HEG1: variants seen among roughly 807,000 people sequenced by gnomAD.
HEG1 encodes the protein heart development protein with EGF like domains 1.
HEG1 carries 56 observed loss-of-function variants against 125.6 expected under a neutral mutation model. The observed-to-expected ratio is 0.45, with a 90% CI of 0.36 to 0.56. The LOEUF (loss-of-function observed/expected upper bound fraction) is 0.56. HEG1 is among the 20% of genes least tolerant of loss of function. The pLI, the probability that HEG1 is intolerant of heterozygous loss-of-function variation, is 0.00. For missense variants in HEG1, 1,523 were observed against 1,670.0 expected (o/e 0.91, Z 1.53); for synonymous variants, 644 against 668.5 (o/e 0.96, Z 0.57).
intron 14 of HEG1, among the ~76,000 whole-genome samples, chr3:124,983,943 C>T (rs1351469330): frequency 6.6e-6 from 1 of 152,162 alleles, no homozygotes. Context: ...CCAGTCAAGA[C>T]CGAGTAAAAT....
intron 14 of HEG1, among the ~76,000 whole-genome samples, chr3:124,986,658 G>A (rs78389223): frequency 0.031 from 4,745 of 152,228 alleles, 116 homozygotes; most frequent in Non-Finnish European, 0.048. Context: ...AAAGATAGGC[G>A]GCCGGTTCTA....
intron 1 of HEG1, 98 bp downstream of exon 1, chr3:125,055,477 C>T (rs1579444952): frequency 1.2e-5 from 10 of 853,320 alleles, no homozygotes; most frequent in Non-Finnish European, 1.5e-5. Flanking sequence ...CCCTGGGTCG[C>T]GCCGCGCGGA....
chr3:125,034,350 A>C lies in HEG1; in HGVS notation c.317-4862T>G, dbSNP rs1009175051. 2.0e-5 allele frequency among the ~76,000 whole-genome samples: 3 copies of C among 152,218 alleles called. 1 individual carries two copies. In the South Asian group the frequency reaches 6.2e-4, roughly 31 times the overall value. On this transcript the variant is annotated intron_variant, in intron 1 of 16. Transcript: ENST00000311127. ...ACCAGACAAAGAAGTATACAAAATT[A>C]CATTAGAAAAAATTTTTTTAAAAAG...
rs760739875 is a variant in HEG1, at chr3:125,013,641, C to T, written c.1938G>A (p.Ser646=). The change falls in exon 6 of 17, where the codon TCG becomes TCA. Residue 646 remains serine, a synonymous_variant. Coordinates refer to ENST00000311127, the MANE Select transcript of HEG1 (RefSeq NM_020733.2). Reference sequence around the variant, plus strand: ...ACTCAGCATCAGTGTCCAGAACAACCGAAGTGTTCGGCATATTAATGGTGG... The same window carrying T: ...ACTCAGCATCAGTGTCCAGAACAACTGAAGTGTTCGGCATATTAATGGTGG... ...YTPTINMPNT[S]VVLDTDAEFV... The T allele has an allele frequency of 2.2e-5, 35 of 1,609,802 alleles. No homozygotes were observed. The highest frequency in any genetic ancestry group is 5.0e-5 in the Admixed American group (3 of 59,424).
chr3:124,985,537 G>C (rs1936724400), intron 14 of HEG1, among the ~76,000 whole-genome samples: 1 of 152,174 alleles, frequency 6.6e-6, no homozygotes, highest in African/African-American at 2.4e-5. Flanking sequence ...GAGGCAAGGG[G>C]AGTGAGAGAC....
At chr3:124,973,597 A>G in intron 16 of HEG1, 134 bp downstream of exon 16, 1 of 619,492 alleles carries the variant, frequency 1.6e-6, no homozygotes, top group Non-Finnish European at 2.8e-6. Context: ...TAAACTGACT[A>G]GTAAATCAGA....
At chr3:125,022,658 A>C (rs1205520433) in intron 3 of HEG1, among the ~76,000 whole-genome samples, 2 of 151,420 alleles carry the variant, frequency 1.3e-5, no homozygotes, top group African/African-American at 4.9e-5. Context: ...CAAACTAAAC[A>C]AAACAAACAA....
At chr3:125,023,859 C>T (rs1221150798) in intron 3 of HEG1, among the ~76,000 whole-genome samples, 1 of 152,234 alleles carries the variant, frequency 6.6e-6, no homozygotes, top group Non-Finnish European at 1.5e-5. Flanking sequence ...GCTAAAAGTA[C>T]ATGGGTCTCT....
At chr3:125,037,147 G>A (rs1937554531) in intron 1 of HEG1, among the ~76,000 whole-genome samples, 1 of 152,196 alleles carries the variant, frequency 6.6e-6, no homozygotes, top group Non-Finnish European at 1.5e-5. Flanking sequence ...TATGTATTAT[G>A]CTCACACTAT....
At chr3:125,026,119 A>G (rs1937410441) in intron 3 of HEG1, among the ~76,000 whole-genome samples, 1 of 152,208 alleles carries the variant, frequency 6.6e-6, no homozygotes, top group South Asian at 2.1e-4. Context: ...CTATGGTACG[A>G]GGATGAAAAC....
intron 1 of HEG1, among the ~76,000 whole-genome samples, chr3:125,046,280 A>C (rs1937662898): frequency 6.6e-6 from 1 of 152,088 alleles, no homozygotes; most frequent in Non-Finnish European, 1.5e-5. Flanking sequence ...GTCCTCTTCA[A>C]AGAGGTCCCA....
rs568978274 is a variant in HEG1, at chr3:124,998,162, C to T, written c.3518-339G>A. On this transcript the variant is annotated intron_variant, in intron 11 of 16. Coordinates refer to ENST00000311127, the MANE Select transcript of HEG1 (RefSeq NM_020733.2). Reference sequence around the variant, plus strand: ...ACTGCAAATACAGCCCTTAATGGCCCCGTGTCTTCCAAAGGACTGCGGAGG... The same window carrying T: ...ACTGCAAATACAGCCCTTAATGGCCTCGTGTCTTCCAAAGGACTGCGGAGG... Among the ~76,000 whole-genome samples the T allele has an allele frequency of 3.3e-5, 5 of 152,248 alleles. No individual in the cohort carries two copies. The South Asian group carries it at 6.2e-4, about 19-fold the overall frequency.
At chr3:125,000,172 T>G (rs913514762) in intron 11 of HEG1, among the ~76,000 whole-genome samples, 3 of 152,274 alleles carry the variant, frequency 2.0e-5, no homozygotes, top group African/African-American at 7.2e-5. Flanking sequence ...TCACGGGCTC[T>G]GAAAGGAGAA....
At position 125,019,553 on chromosome 3, in the gene HEG1, C is replaced by T. The variant is rs1937305410; in HGVS notation, c.1297G>A (p.Gly433Arg). 6.2e-7 allele frequency: 1 copy of T among 1,611,230 alleles called. No homozygotes were observed. The highest frequency in any genetic ancestry group is 1.7e-5 in the Admixed American group (1 of 59,980). ...QLASSSEVQNGSPMSQTETVS... is the reference protein window; with the variant it reads ...QLASSSEVQNRSPMSQTETVS... ...GTCTCAGTCTGAGACATGGGACTTC[C>T]ATTTTGCACCTCAGAGCTGCTGGCA... The change falls in exon 5 of 17, where the codon GGA becomes AGA. Residue 433 changes from glycine (G) to arginine (R), a missense_variant. By Grantham distance (125) the Gly-to-Arg change is moderately radical (BLOSUM62 -2). Coordinates refer to ENST00000311127, the MANE Select transcript of HEG1 (RefSeq NM_020733.2).
intron 5 of HEG1, chr3:125,014,844 G>A (rs1056080892): frequency 5.4e-6 from 7 of 1,289,876 alleles, no homozygotes; most frequent in South Asian, 4.9e-5. Flanking sequence ...CCCAGAAGTC[G>A]TGCTCATGCT....
At chr3:125,037,488 T>C (rs1937559003) in intron 1 of HEG1, among the ~76,000 whole-genome samples, 1 of 152,238 alleles carries the variant, frequency 6.6e-6, no homozygotes, top group African/African-American at 2.4e-5. Flanking sequence ...ATGGCATAGC[T>C]GAAAGACTGA....
In HEG1 at chr3:125,023,317, T is replaced by C. The variant is rs1010096292; in HGVS notation, c.914-2187A>G. ...ATCTCTAGTGGATTTAGCAAATCAA[T>C]GGCCACAGAAATATAATTACAAAAG... On this transcript the variant is annotated intron_variant, in intron 3 of 16. Coordinates refer to ENST00000311127, the MANE Select transcript of HEG1 (RefSeq NM_020733.2). 2.0e-5 allele frequency among the ~76,000 whole-genome samples: 3 copies of C among 152,212 alleles called. No individual in the cohort carries two copies. The East Asian group carries it at 5.8e-4, about 29-fold the overall frequency.
Position 125,000,017 on chromosome 3 carries a change from AG to A in HEG1, c.3517+1834del, listed in dbSNP as rs558588532. On this transcript the variant is annotated intron_variant, in intron 11 of 16. Transcript: ENST00000311127. ...CTTATGCTGGAAACACCCAGATGTC[AG>A]AAGCTGTCAAGGCCACCTCTCTAGT... Among the ~76,000 whole-genome samples the A allele has an allele frequency of 9.2e-5, 14 of 152,344 alleles. No homozygotes were observed. The East Asian group carries it at 2.7e-3, about 29-fold the overall frequency.
At chr3:124,979,100 C>G (rs1369460390) in intron 14 of HEG1, among the ~76,000 whole-genome samples, 1 of 152,034 alleles carries the variant, frequency 6.6e-6, no homozygotes, top group African/African-American at 2.4e-5. Flanking sequence ...CAGACACGTG[C>G]CACCATGCCC....
Sources: allele counts gnomAD v4.1 joint callset (sites outside exome capture counted in the v4.1 genomes callset), GRCh38; gene constraint gnomAD v4.1.1; transcripts MANE v1.5; gene names NCBI Gene and HGNC (gene_info 2026-07-23, HGNC 2026-07-21).